The following SMARCA4 variants were observed in gnomAD, a reference collection of about 807,000 sequenced individuals.
SMARCA4 encodes SWI/SNF-related matrix-associated actin-dependent regulator of chromatin subfamily A member 4.
SMARCA4 carries 31 observed loss-of-function variants against 193.9 expected under a neutral mutation model. The observed-to-expected ratio is 0.16, with a 90% CI of 0.12 to 0.22. The LOEUF (loss-of-function observed/expected upper bound fraction) is 0.22. Among genes scored for constraint, SMARCA4 ranks in the 10% least tolerant of loss-of-function variants. SMARCA4 has a pLI of 1.00. For synonymous variants in SMARCA4, 942 were observed against 933.1 expected, an observed-to-expected ratio of 1.01 and a Z score of -0.17; for missense variants, 1,148 against 2,296.0, an observed-to-expected ratio of 0.50 and a Z score of 10.22.
At position 11,061,997 on chromosome 19, in the gene SMARCA4, C is replaced by T; in HGVS notation, c.*181C>T. The T allele has an allele frequency of 3.0e-6, 2 of 661,860 alleles. No individual in the cohort carries two copies. Among genetic ancestry groups the T allele is most frequent in the Non-Finnish European group, 5.5e-6 (2 of 363,850 alleles). 41.0% of individuals were successfully genotyped at this position (661,860 alleles called of 1,614,324 possible). A position where few individuals can be genotyped will look rare whatever the true frequency, so the allele number is the denominator to read the frequency against. On this transcript the variant is annotated 3_prime_UTR_variant, in exon 35 of 35. Transcript: ENST00000344626. ...AGGACTGTTTGTGACTGGCCCTGTC[C>T]TGGCATCAGTAGCATCTGTAACAGC... is the stretch of plus-strand genomic sequence containing the variant.
chr19:11,056,751 A>G (rs1344446078), intron 30 of SMARCA4, among the ~76,000 whole-genome samples: 2 of 152,178 alleles, frequency 1.3e-5, no homozygotes, highest in East Asian at 1.9e-4. Flanking sequence ...GGGCTTCGTG[A>G]TGCACACAAA....
rs1271224110 is a variant in SMARCA4, at chr19:11,019,754, G to A, written c.2616+53G>A. The A allele has an allele frequency of 7.9e-7, 1 of 1,273,534 alleles. No homozygotes were observed. Among genetic ancestry groups the A allele is most frequent in the East Asian group, 2.3e-5 (1 of 42,600 alleles). 78.9% of individuals were successfully genotyped at this position (1,273,534 alleles called of 1,614,324 possible). On this transcript the variant is annotated intron_variant, in intron 18 of 34. Transcript: ENST00000344626. The surrounding 1 kb of genome is among the most constrained non-coding windows in gnomAD (Gnocchi z 6.1). ...GCCATGGGCCGAGTGCTCACACGTG[G>A]GTCACGCTGCCCGTCTCCTCCAAAG...
At chr19:11,036,121 C>A (rs2075256346) in intron 29 of SMARCA4, among the ~76,000 whole-genome samples, 1 of 152,176 alleles carries the variant, frequency 6.6e-6, no homozygotes, top group African/African-American at 2.4e-5. Flanking sequence ...TGTTGAAACA[C>A]ACCAGGAGCC....
rs530595269 is a variant in SMARCA4 at position 11,023,787 on chromosome 19, T to A, written c.2973+156T>A. Among the ~76,000 whole-genome samples the A allele has an allele frequency of 2.0e-4, 31 of 152,358 alleles. No individual in the cohort carries two copies. The East Asian group carries it at 5.6e-3, about 28-fold the overall frequency. ...TGACGCCACTGGGTCTGTAAAGCCC[T>A]GTGCTGCTGTTGTAGGGATTGAAAA... On this transcript the variant is annotated intron_variant, in intron 20 of 34. Transcript: ENST00000344626.
chr19:11,039,521 C>A lies in SMARCA4; in HGVS notation c.4171-1786C>A, dbSNP rs747852149. 6.2e-7 allele frequency: 1 copy of A among 1,602,412 alleles called. No homozygotes were observed. Among genetic ancestry groups the A allele is most frequent in the Admixed American group, 1.7e-5 (1 of 57,476 alleles). On this transcript the variant is annotated intron_variant, in intron 29 of 34. Coordinates refer to ENST00000344626, the MANE Select transcript of SMARCA4 (RefSeq NM_003072.5). ...TGTGGCACGTGGGCTACAATTCCAG[C>A]GTGGCCTTCAGTTCTGCACACGTGC...
intron 30 of SMARCA4, among the ~76,000 whole-genome samples, chr19:11,053,428 G>C (rs192761127): frequency 2.0e-5 from 3 of 150,128 alleles, no homozygotes; most frequent in East Asian, 3.9e-4. Flanking sequence ...CTCCAGCCTG[G>C]GTGACAGAGT....
intron 14 of SMARCA4, among the ~76,000 whole-genome samples, chr19:11,010,077 C>T (rs2088672901): frequency 1.3e-5 from 2 of 152,158 alleles, no homozygotes; most frequent in South Asian, 4.1e-4. Flanking sequence ...CCACCTGCTT[C>T]AGCCTCCCAA....
chr19:10,985,244 AC>A lies in SMARCA4; in HGVS notation c.223-26del, dbSNP rs1380665220. 1.2e-6 allele frequency: 2 copies of A among 1,612,500 alleles called. No individual in the cohort carries two copies. Among genetic ancestry groups the A allele is most frequent in the East Asian group, 2.2e-5 (1 of 44,782 alleles). On this transcript the variant is annotated intron_variant, in intron 2 of 34. Transcript: ENST00000344626. This position sits in a 1 kb window ranked among gnomAD's most constrained non-coding sequence, Gnocchi z 4.5. ...CTGCCACCTCACGTTCCACATGCTG[AC>A]CCTGCCTTGCCATGGTCCCTCTCGC...
At chr19:11,050,838 A>G (rs1278576690) in intron 30 of SMARCA4, among the ~76,000 whole-genome samples, 1 of 152,182 alleles carries the variant, frequency 6.6e-6, no homozygotes, top group African/African-American at 2.4e-5. Flanking sequence ...AGTGGGAGCC[A>G]TTCCTTGGGG....
intron 1 of SMARCA4, among the ~76,000 whole-genome samples, chr19:10,974,888 T>C (rs2085000701): frequency 6.7e-6 from 1 of 149,600 alleles, no homozygotes; most frequent in African/African-American, 2.5e-5. Context: ...TGTGTTTTTG[T>C]AGAGATGGGG....
At position 10,986,070 on chromosome 19, in the gene SMARCA4, G is replaced by C. The variant is rs1377958655; in HGVS notation, c.356-119G>C. On this transcript the variant is annotated intron_variant, in intron 3 of 34. Transcript: ENST00000344626. This position sits in a 1 kb window ranked among gnomAD's most constrained non-coding sequence, Gnocchi z 6.7. ...CTCCAGGTGCCCCTGGTTGACTCAA[G>C]AGAAGGATGCCATTTGGCTGTGCCC... The C allele has an allele frequency of 1.1e-6, 1 of 884,712 alleles. No homozygotes were observed. The highest frequency in any genetic ancestry group is 1.8e-6 in the Non-Finnish European group (1 of 540,782). The allele number at this position is 884,712 out of a possible 1,614,324, so 54.8% of individuals were successfully genotyped here. A position where few individuals can be genotyped will look rare whatever the true frequency, so the allele number is the denominator to read the frequency against.
chr19:11,060,185 G>T lies in SMARCA4; in HGVS notation c.4909G>T (p.Glu1637Ter). 6.4e-7 allele frequency: 1 copy of T among 1,550,930 alleles called. No homozygotes were observed. Among genetic ancestry groups the T allele is most frequent in the Non-Finnish European group, 8.7e-7 (1 of 1,146,668 alleles). Residue 1637 changes from glutamate to a stop codon, truncating the protein, a stop_gained and splice_region_variant, in exon 34 of 35, where the codon GAG becomes TAG. Coordinates refer to ENST00000344626, the MANE Select transcript of SMARCA4 (RefSeq NM_003072.5). LOFTEE classifies it high-confidence loss of function. ...CGATGACAGTGAGGAGGAACAAGAG[G>T]AGGTGAGGCCGGGCCCCCGAGCAGG... The part of the protein sequence containing the change: ...SDDDSEEEQE[E>*]DRSGSGSEED
chr19:10,986,784 T>A lies in SMARCA4; in HGVS notation c.761-121T>A. 8.2e-7 allele frequency: 1 copy of A among 1,222,610 alleles called. No individual in the cohort carries two copies. The highest frequency in any genetic ancestry group is 1.2e-6 in the Non-Finnish European group (1 of 847,024). The allele number at this position is 1,222,610 out of a possible 1,614,324, so 75.7% of individuals were successfully genotyped here. On this transcript the variant is annotated intron_variant, in intron 4 of 34. Transcript: ENST00000344626. The surrounding 1 kb of genome is among the most constrained non-coding windows in gnomAD (Gnocchi z 6.7). ...TGCTTCCCCAGCTCCCCGCTTCCCC[T>A]GGGGCCGCTGGTTAATAGGTGTATC...
In SMARCA4 at chr19:10,985,605, G is replaced by A. The variant is rs1876427722; in HGVS notation, c.355+200G>A. On this transcript the variant is annotated intron_variant, in intron 3 of 34. Coordinates refer to ENST00000344626, the MANE Select transcript of SMARCA4 (RefSeq NM_003072.5). The surrounding 1 kb of genome is among the most constrained non-coding windows in gnomAD (Gnocchi z 4.5). ...GCCACCTCGTCTCGGAGCAGCCCTG[G>A]AAGGGGAAATGCTGGTTGGGGGGCA... 6.6e-6 allele frequency among the ~76,000 whole-genome samples: 1 copy of A among 152,216 alleles called. No individual in the cohort carries two copies. The highest frequency in any genetic ancestry group is 2.1e-4 in the South Asian group (1 of 4,826).
intron 7 of SMARCA4, among the ~76,000 whole-genome samples, chr19:10,989,785 A>G (rs77611468): frequency 0.088 from 13,171 of 149,158 alleles, 660 homozygotes; most frequent in South Asian, 0.12. Flanking sequence ...CACTGCAACC[A>G]ACGCCTCCTG....
chr19:11,035,021 G>A lies in SMARCA4; in HGVS notation c.4059G>A (p.Glu1353=), dbSNP rs1339816788. 1 of 1,612,658 alleles carries A rather than the reference G, an allele frequency of 6.2e-7. No homozygotes were observed. The highest frequency in any genetic ancestry group is 1.1e-5 in the South Asian group (1 of 90,980). The change falls in exon 29 of 35, where the codon GAG becomes GAA. Residue 1353 remains glutamate, a synonymous_variant. Coordinates refer to ENST00000344626, the MANE Select transcript of SMARCA4 (RefSeq NM_003072.5). ...LPSWIIKDDA[E]VERLTCEEEE... ...CGTGGATCATCAAGGACGACGCGGA[G>A]GTGGAGCGGCTGACCTGTGAGGAGG...
intron 20 of SMARCA4, 121 bp from the exon 21 acceptor site, chr19:11,024,210 C>A: frequency 1.4e-6 from 1 of 740,514 alleles, no homozygotes; most frequent in Non-Finnish European, 2.5e-6. Context: ...TCACCCACAC[C>A]CCAGTGTGCT....
intron 34 of SMARCA4, among the ~76,000 whole-genome samples, chr19:11,061,200 AAAAAATATATATATATATATATATAT>A (rs2076853696): frequency 1.4e-5 from 1 of 70,568 alleles, no homozygotes; most frequent in South Asian, 4.3e-4. Flanking sequence ...AAAAAAAAAA[AAAAAATATATATATATATATATATAT>A]ATATATATAT....
intron 30 of SMARCA4, among the ~76,000 whole-genome samples, chr19:11,054,987 T>G (rs530094562): frequency 6.6e-6 from 1 of 152,250 alleles, no homozygotes; most frequent in South Asian, 2.1e-4. Context: ...GCGGGGAGGC[T>G]GCAGCATGTC....
Sources: allele counts gnomAD v4.1 joint callset (sites outside exome capture counted in the v4.1 genomes callset), GRCh38; gene constraint gnomAD v4.1.1; non-coding constraint Gnocchi (gnomAD v3.1); transcripts MANE v1.5; gene names NCBI Gene and HGNC (gene_info 2026-07-23, HGNC 2026-07-21).